FBXL17: variants seen among roughly 807,000 people sequenced by gnomAD.
The protein encoded by FBXL17 is F-box and leucine rich repeat protein 17.
In FBXL17, 22 loss-of-function variants were observed where a neutral mutation model predicts 66.2. The ratio of observed to expected loss-of-function variants is 0.33; its 90% confidence interval spans 0.24 to 0.47. The LOEUF (loss-of-function observed/expected upper bound fraction) is 0.47, where lower values mean the gene tolerates loss of function less well. Among genes scored for constraint, FBXL17 ranks in the 20% least tolerant of loss-of-function variants. The pLI is 1.00. For synonymous variants in FBXL17, 474 were observed against 400.5 expected (o/e 1.18, Z -2.19); for missense variants, 878 against 948.2 (o/e 0.93, Z 0.97).
chr5:107,879,067 C>T (rs1441677769), intron 8 of FBXL17: 2 of 985,388 alleles, frequency 2.0e-6, no homozygotes. Context: ...CATTTCTTAA[C>T]TAAAAATCAG....
At chr5:108,375,908 G>T (rs144449599) in intron 1 of FBXL17, among the ~76,000 whole-genome samples, 115 of 152,092 alleles carry the variant, frequency 7.6e-4, no homozygotes, top group African/African-American at 2.7e-3. Flanking sequence ...ATAGTAGAAG[G>T]GTTATACACC....
chr5:107,979,929 C>T (rs1434013637), intron 7 of FBXL17, among the ~76,000 whole-genome samples: 2 of 151,866 alleles, frequency 1.3e-5, no homozygotes, highest in Non-Finnish European at 2.9e-5. Context: ...AATAAATAAT[C>T]CTTAACAATA....
chr5:108,076,934 T>C (rs1391009478), intron 6 of FBXL17, among the ~76,000 whole-genome samples: 1 of 152,218 alleles, frequency 6.6e-6, no homozygotes, highest in Admixed American at 6.5e-5. Context: ...GTTGACTTTA[T>C]GGAGCCAATA....
At chr5:107,928,699 C>G (rs1750621998) in intron 7 of FBXL17, among the ~76,000 whole-genome samples, 1 of 151,992 alleles carries the variant, frequency 6.6e-6, no homozygotes, top group Non-Finnish European at 1.5e-5. Flanking sequence ...ACAGGATTAT[C>G]TACTATATTA....
At chr5:108,295,126 ATAT>A (rs1411963643) in intron 4 of FBXL17, among the ~76,000 whole-genome samples, 1 of 151,990 alleles carries the variant, frequency 6.6e-6, no homozygotes, top group African/African-American at 2.4e-5. Flanking sequence ...TCTGAAGGAT[ATAT>A]TATTTACTGA....
At chr5:108,065,856 A>G (rs1411620971) in intron 6 of FBXL17, among the ~76,000 whole-genome samples, 1 of 152,154 alleles carries the variant, frequency 6.6e-6, no homozygotes, top group Non-Finnish European at 1.5e-5. Context: ...AAAATAAAAC[A>G]ACCAGGACTA....
At chr5:108,127,406 T>C (rs999629252) in intron 6 of FBXL17, among the ~76,000 whole-genome samples, 7 of 152,204 alleles carry the variant, frequency 4.6e-5, no homozygotes, top group Admixed American at 2.6e-4. Flanking sequence ...GGCTTATGCA[T>C]TTTTTATTCC....
At chr5:108,294,890 G>A (rs114682642) in intron 4 of FBXL17, among the ~76,000 whole-genome samples, 3,573 of 152,128 alleles carry the variant, frequency 0.023, 130 homozygotes, top group African/African-American at 0.081. Context: ...ATCTACTAAT[G>A]TTACTACATT....
At chr5:107,920,853 C>T (rs766016958) in intron 7 of FBXL17, among the ~76,000 whole-genome samples, 5 of 151,980 alleles carry the variant, frequency 3.3e-5, no homozygotes, top group Admixed American at 6.5e-5. Flanking sequence ...AATTTGTCAC[C>T]ACTACAAGTT....
chr5:107,902,288 T>G (rs2112533890), intron 7 of FBXL17, among the ~76,000 whole-genome samples: 1 of 152,252 alleles, frequency 6.6e-6, no homozygotes, highest in South Asian at 2.1e-4. Context: ...GTATATAAAG[T>G]TGGAATTAAT....
intron 4 of FBXL17, among the ~76,000 whole-genome samples, chr5:108,311,964 T>C (rs1388509461): frequency 6.6e-6 from 1 of 152,196 alleles, no homozygotes; most frequent in African/African-American, 2.4e-5. Context: ...CTCCAGACCC[T>C]GACCCCATCT....
At position 108,381,412 on chromosome 5, in the gene FBXL17, C is replaced by A. The variant is rs936699955; in HGVS notation, c.280G>T (p.Ala94Ser). ...CGCGCCAGGTGCTGAGAGGAGGAGG[C>A]GGCAGCGTAGGCCCCGTCCCGCGGC... ...PPPRDGAYAA[A>S]SSSQHLARRY... The change falls in exon 1 of 9, where the codon GCC (alanine) becomes TCC (serine). Residue 94 changes from alanine to serine, a missense_variant. Ala to Ser is a moderately conservative substitution (Grantham distance 99). Coordinates refer to ENST00000542267, the MANE Select transcript of FBXL17 (RefSeq NM_001163315.3). 3.3e-5 allele frequency: 44 copies of A among 1,324,226 alleles called. No homozygotes were observed. In the Admixed American group the frequency reaches 6.2e-4, roughly 19 times the overall value. The allele number at this position is 1,324,226 out of a possible 1,614,324, so 82.0% of individuals were successfully genotyped here. A position where few individuals can be genotyped will look rare whatever the true frequency, so the allele number is the denominator to read the frequency against.
intron 7 of FBXL17, among the ~76,000 whole-genome samples, chr5:107,996,328 T>G (rs1196384555): frequency 6.6e-6 from 1 of 152,224 alleles, no homozygotes; most frequent in Non-Finnish European, 1.5e-5. Flanking sequence ...TTTGTTTGTT[T>G]GTTGGAGACC....
chr5:108,256,579 T>C (rs1200838072), intron 4 of FBXL17, among the ~76,000 whole-genome samples: 1 of 152,086 alleles, frequency 6.6e-6, no homozygotes, highest in East Asian at 1.9e-4. Context: ...GTATTGCTAC[T>C]TCTTGATTTC....
intron 8 of FBXL17, among the ~76,000 whole-genome samples, chr5:107,876,586 G>C (rs935353886): frequency 1.1e-4 from 16 of 152,126 alleles, no homozygotes; most frequent in Admixed American, 7.2e-4. Context: ...TGCCTCCAGT[G>C]AGGGCTGTTT....
intron 6 of FBXL17, among the ~76,000 whole-genome samples, chr5:108,184,463 G>C (rs536207246): frequency 1.3e-5 from 2 of 151,994 alleles, no homozygotes; most frequent in South Asian, 4.2e-4. Context: ...CCTGCCACAA[G>C]GCCTGGCTAA....
At chr5:108,112,121 C>T (rs1750059130) in intron 6 of FBXL17, among the ~76,000 whole-genome samples, 1 of 152,118 alleles carries the variant, frequency 6.6e-6, no homozygotes, top group Admixed American at 6.5e-5. Context: ...CCAGAATATG[C>T]TGGGAAGAGT....
At chr5:108,121,812 CT>C (rs1216610707) in intron 6 of FBXL17, among the ~76,000 whole-genome samples, 1 of 152,182 alleles carries the variant, frequency 6.6e-6, no homozygotes, top group South Asian at 2.1e-4. Context: ...CTGCCTTGGC[CT>C]TCCAAAGCGC....
At chr5:108,304,396 A>C (rs1197257306) in intron 4 of FBXL17, among the ~76,000 whole-genome samples, 3 of 151,976 alleles carry the variant, frequency 2.0e-5, no homozygotes, top group African/African-American at 7.2e-5. Context: ...AAATAACATA[A>C]TTATCATTTA....
Sources: allele counts gnomAD v4.1 joint callset (sites outside exome capture counted in the v4.1 genomes callset), GRCh38; gene constraint gnomAD v4.1.1; transcripts MANE v1.5; gene names NCBI Gene and HGNC (gene_info 2026-07-23, HGNC 2026-07-21).